The following FAM53B variants were observed in gnomAD, a reference collection of about 807,000 sequenced individuals.
The protein encoded by FAM53B is protein FAM53B.
Under a neutral mutation model 32.7 loss-of-function variants are expected in FAM53B, and 12 were observed. The ratio of observed to expected loss-of-function variants is 0.37; its 90% confidence interval spans 0.24 to 0.59. The LOEUF is 0.59. FAM53B is among the 20% of genes least tolerant of loss of function. The pLI is 0.72. For missense variants in FAM53B, 477 were observed against 577.7 expected (o/e 0.83, Z 1.79); for synonymous variants, 234 against 228.7 (o/e 1.02, Z -0.21).
In FAM53B at chr10:124,623,060, A is replaced by G. The variant is rs1039344461; in HGVS notation, c.*182T>C. ...GGTGAGAGGCTGACACACCCGCTGTATGACGCGGCCAGGCCAGGCTCTCCC... is the reference window on the plus strand; with the variant it reads ...GGTGAGAGGCTGACACACCCGCTGTGTGACGCGGCCAGGCCAGGCTCTCCC... On this transcript the variant is annotated 3_prime_UTR_variant, in exon 5 of 5. Transcript: ENST00000337318. 4.0e-6 allele frequency: 3 copies of G among 744,990 alleles called. No homozygotes were observed. Among genetic ancestry groups the G allele is most frequent in the Non-Finnish European group, 6.3e-6 (3 of 473,462 alleles). The allele number at this position is 744,990 out of a possible 1,614,324, so 46.1% of individuals were successfully genotyped here.
intron 1 of FAM53B, among the ~76,000 whole-genome samples, chr10:124,715,145 T>C (rs1950031364): frequency 6.6e-6 from 1 of 152,234 alleles, no homozygotes; most frequent in Non-Finnish European, 1.5e-5. Flanking sequence ...AAGCAGACAC[T>C]AATTTTGCAA....
intron 4 of FAM53B, among the ~76,000 whole-genome samples, chr10:124,626,672 C>T (rs1255423734): frequency 6.6e-6 from 1 of 152,150 alleles, no homozygotes; most frequent in Non-Finnish European, 1.5e-5. Flanking sequence ...ATCTTTGTCA[C>T]AGCAGCCCAA....
intron 3 of FAM53B, among the ~76,000 whole-genome samples, chr10:124,695,315 A>G (rs1007165149): frequency 3.3e-5 from 5 of 152,222 alleles, no homozygotes; most frequent in African/African-American, 9.6e-5. Context: ...GAGGTCAAAC[A>G]ATGCCCAATC....
intron 4 of FAM53B, among the ~76,000 whole-genome samples, chr10:124,641,857 G>A (rs375253133): frequency 2.6e-5 from 4 of 152,332 alleles, no homozygotes; most frequent in East Asian, 1.9e-4. Flanking sequence ...TGGGCACTGC[G>A]AAAGGAACTT....
chr10:124,688,229 G>A (rs1045159252), intron 3 of FAM53B, among the ~76,000 whole-genome samples: 2 of 152,166 alleles, frequency 1.3e-5, no homozygotes, highest in African/African-American at 4.8e-5. Flanking sequence ...ACGCAGAAGG[G>A]CCCCCCATCC....
intron 4 of FAM53B, among the ~76,000 whole-genome samples, chr10:124,660,766 G>C (rs1206099280): frequency 1.3e-5 from 2 of 152,172 alleles, no homozygotes; most frequent in African/African-American, 4.8e-5. Flanking sequence ...TTCTTAGAGA[G>C]CCAGAGAGTA....
chr10:124,707,883 G>A (rs1366103673), intron 1 of FAM53B: 7 of 152,210 alleles, frequency 4.6e-5, no homozygotes, highest in Non-Finnish European at 1.0e-4. Flanking sequence ...GCAGTGATGG[G>A]ACCCACTCAG....
At chr10:124,741,646 G>C (rs898958172) in intron 1 of FAM53B, among the ~76,000 whole-genome samples, 1 of 152,158 alleles carries the variant, frequency 6.6e-6, no homozygotes, top group Non-Finnish European at 1.5e-5. Context: ...AGGCTAGCGG[G>C]GCAGTGAGAG....
At chr10:124,633,863 G>GA (rs1024620855) in intron 4 of FAM53B, among the ~76,000 whole-genome samples, 1 of 151,776 alleles carries the variant, frequency 6.6e-6, no homozygotes, top group African/African-American at 2.4e-5. Flanking sequence ...CATCTCGTGA[G>GA]AAAAAAAGGC....
chr10:124,716,866 T>C (rs766490969), intron 1 of FAM53B, among the ~76,000 whole-genome samples: 2 of 151,550 alleles, frequency 1.3e-5, no homozygotes, highest in Non-Finnish European at 2.9e-5. Context: ...AGGGAAAGAA[T>C]GGGAAGAGAA....
intron 4 of FAM53B, among the ~76,000 whole-genome samples, chr10:124,653,581 T>A (rs1949569023): frequency 6.6e-6 from 1 of 152,210 alleles, no homozygotes. Context: ...GAGGCCCAGC[T>A]GGGTCTCGCT....
intron 4 of FAM53B, among the ~76,000 whole-genome samples, chr10:124,674,854 A>G (rs926831956): frequency 2.6e-5 from 4 of 152,210 alleles, no homozygotes; most frequent in Admixed American, 2.0e-4. Context: ...TGCCAGCACC[A>G]GAGCAGGGCC....
rs1188237742 is a variant in FAM53B at position 124,621,483 on chromosome 10, C to T, written c.*1759G>A. The T allele has an allele frequency of 6.6e-6, 1 of 152,216 alleles. No homozygotes were observed. Among genetic ancestry groups the T allele is most frequent in the Non-Finnish European group, 1.5e-5 (1 of 68,038 alleles). The allele number at this position is 152,216 out of a possible 1,614,324, so 9.4% of individuals were successfully genotyped here. ...GTGAGCTGGTTCCCCGGCTCTGGGA[C>T]CTGCCCAGTGCCCGGCATACCCCAT... On this transcript the variant is annotated 3_prime_UTR_variant, in exon 5 of 5. Coordinates refer to ENST00000337318, the MANE Select transcript of FAM53B (RefSeq NM_014661.4).
At chr10:124,708,766 C>T (rs532753719) in intron 1 of FAM53B, among the ~76,000 whole-genome samples, 8 of 152,364 alleles carry the variant, frequency 5.3e-5, no homozygotes, top group African/African-American at 1.7e-4. Context: ...AGCCAGCCGT[C>T]GGCACAAGGC....
At chr10:124,624,254 C>A (rs1589728085) in intron 4 of FAM53B, among the ~76,000 whole-genome samples, 2 of 152,338 alleles carry the variant, frequency 1.3e-5, no homozygotes, top group Middle Eastern at 3.4e-3. Context: ...GAGCGGGAGC[C>A]GCAGGCTAGA....
intron 4 of FAM53B, among the ~76,000 whole-genome samples, chr10:124,626,756 A>G (rs1157748817): frequency 6.6e-6 from 1 of 152,242 alleles, no homozygotes; most frequent in Non-Finnish European, 1.5e-5. Flanking sequence ...GACCTTTCAC[A>G]GACGTGTGGC....
intron 2 of FAM53B, among the ~76,000 whole-genome samples, chr10:124,705,409 T>C (rs896945995): frequency 6.6e-6 from 1 of 152,226 alleles, no homozygotes; most frequent in Non-Finnish European, 1.5e-5. Context: ...CTAAGCCACT[T>C]CTTCTCACCC....
intron 4 of FAM53B, among the ~76,000 whole-genome samples, chr10:124,669,092 G>T (rs1460818895): frequency 6.6e-6 from 1 of 152,240 alleles, no homozygotes; most frequent in Non-Finnish European, 1.5e-5. Context: ...CATTTTGGGG[G>T]GTGTAGGGGG....
chr10:124,649,566 A>T (rs569635018), intron 4 of FAM53B, among the ~76,000 whole-genome samples: 39 of 152,316 alleles, frequency 2.6e-4, no homozygotes, highest in Middle Eastern at 3.4e-3. Flanking sequence ...CACTGCAAGG[A>T]TGTGGACAAT....
Sources: allele counts gnomAD v4.1 joint callset (sites outside exome capture counted in the v4.1 genomes callset), GRCh38; gene constraint gnomAD v4.1.1; transcripts MANE v1.5; gene names NCBI Gene and HGNC (gene_info 2026-07-23, HGNC 2026-07-21).